Variants in TTC34 observed in about 807,000 individuals in gnomAD.
The protein encoded by TTC34 is tetratricopeptide repeat domain 34, also known as tetratricopeptide repeat protein 34.
TTC34 carries 44 observed loss-of-function variants against 40.7 expected under a neutral mutation model. That is an observed-to-expected ratio of 1.08 (90% CI 0.85 to 1.39). The LOEUF (loss-of-function observed/expected upper bound fraction) is 1.39. TTC34 is among the 40% of genes most tolerant of loss of function. The probability of loss-of-function intolerance (pLI) is 0.00; values close to 1 mark genes in which losing one functional copy is unlikely to be tolerated. For synonymous variants in TTC34, 422 were observed against 398.6 expected, an observed-to-expected ratio of 1.06 and a Z score of -0.70; for missense variants, 884 against 838.0, an observed-to-expected ratio of 1.05 and a Z score of -0.68.
chr1:2,795,277 G>T (rs563252099), intron 2 of TTC34, among the ~76,000 whole-genome samples: 2 of 152,274 alleles, frequency 1.3e-5, no homozygotes, highest in South Asian at 2.1e-4. Context: ...ATTTATATTT[G>T]CCCATAATTA....
At chr1:2,759,706 G>T (rs1183073767) in intron 6 of TTC34, among the ~76,000 whole-genome samples, 1 of 70,304 alleles carries the variant, frequency 1.4e-5, no homozygotes, top group Non-Finnish European at 2.6e-5. Flanking sequence ...ACAGCCTGGA[G>T]CAGGACCCAC....
intron 6 of TTC34, among the ~76,000 whole-genome samples, chr1:2,674,302 TG>T (rs1639812264): frequency 1.3e-5 from 1 of 75,034 alleles, no homozygotes; most frequent in Non-Finnish European, 3.2e-5. Flanking sequence ...TCTGACAGCC[TG>T]GAACAGCACC....
chr1:2,751,606 A>G (rs1641322481), intron 6 of TTC34, among the ~76,000 whole-genome samples: 2 of 125,438 alleles, frequency 1.6e-5, no homozygotes, highest in Non-Finnish European at 1.6e-5. Context: ...CAGCACCCAC[A>G]CCCCCAGGCG....
intron 6 of TTC34, among the ~76,000 whole-genome samples, chr1:2,685,081 C>A (rs28520729): frequency 1.0e-4 from 13 of 125,052 alleles, no homozygotes; most frequent in South Asian, 5.1e-4. Flanking sequence ...GCCTGCACCC[C>A]CAGGTGTGCA....
intron 6 of TTC34, among the ~76,000 whole-genome samples, chr1:2,753,082 A>G (rs1349407824): frequency 5.2e-3 from 432 of 83,516 alleles, no homozygotes; most frequent in African/African-American, 0.01. Flanking sequence ...ACAGCCTGGA[A>G]CGGCAACCAC....
At chr1:2,799,484 G>A (rs1333515765) in intron 2 of TTC34, among the ~76,000 whole-genome samples, 2 of 152,062 alleles carry the variant, frequency 1.3e-5, no homozygotes, top group Non-Finnish European at 2.9e-5. Flanking sequence ...TGGAGGTTGC[G>A]GTGAGCCGAG....
At chr1:2,759,626 A>ACAGCACCGACACCCCTAGGTGCCTGGAT (rs1641625508) in intron 6 of TTC34, among the ~76,000 whole-genome samples, 1 of 129,290 alleles carries the variant, frequency 7.7e-6, no homozygotes, top group South Asian at 2.6e-4. Context: ...CCAGCCTGGA[A>ACAGCACCGACACCCCTAGGTGCCTGGAT]CAGCACCCAC....
rs189984513 is a variant in TTC34 at position 2,645,873 on chromosome 1, G to T, written c.2227-310C>A. 6.6e-6 allele frequency among the ~76,000 whole-genome samples: 1 copy of T among 152,066 alleles called. No individual in the cohort carries two copies. Among genetic ancestry groups the T allele is most frequent in the Non-Finnish European group, 1.5e-5 (1 of 68,004 alleles). Reference sequence around the variant, plus strand: ...ATTTCCATCTCCTGAGGCTGCCTGCGGTCTGTGAGCCCTCCCTGGGTCCCT... The same window carrying T: ...ATTTCCATCTCCTGAGGCTGCCTGCTGTCTGTGAGCCCTCCCTGGGTCCCT... On this transcript the variant is annotated intron_variant, in intron 6 of 8. Coordinates refer to ENST00000401095, the Ensembl canonical transcript of TTC34. The surrounding 1 kb of genome is among the most constrained non-coding windows in gnomAD (Gnocchi z 4.7).
At chr1:2,776,237 T>C (rs1643150039) in intron 6 of TTC34, 1 of 94,496 alleles carries the variant, frequency 1.1e-5, no homozygotes, top group Non-Finnish European at 1.9e-5. Flanking sequence ...CCTGGAATGG[T>C]AACCCACATG....
At chr1:2,686,547 G>A (rs556599347) in intron 6 of TTC34, among the ~76,000 whole-genome samples, 4 of 119,038 alleles carry the variant, frequency 3.4e-5, no homozygotes, top group Non-Finnish European at 6.8e-5. Flanking sequence ...TGACAGCCTG[G>A]AACAGCACGC....
intron 6 of TTC34, among the ~76,000 whole-genome samples, chr1:2,753,090 C>T (rs1641379377): frequency 2.2e-5 from 3 of 137,392 alleles, no homozygotes; most frequent in East Asian, 2.2e-4. Flanking sequence ...GAACGGCAAC[C>T]ACACCCCCAG....
At position 2,641,614 on chromosome 1, in the gene TTC34, CCCTG is replaced by C. The variant is rs1638905151; in HGVS notation, c.2990_2993del (p.Ala997GlyfsTer7). 2 of 1,534,288 alleles carry C rather than the reference CCCTG, an allele frequency of 1.3e-6. No homozygotes were observed. The highest frequency in any genetic ancestry group is 1.4e-5 in the African/African-American group (1 of 72,978). ...CCAGCTTCAGGGCCTGGGCAAAGGC[CCCTG>C]CGGCCGCCGCCTCATCCCCCAGGCT... is the stretch of plus-strand genomic sequence containing the variant. On this transcript the variant is annotated frameshift_variant, in exon 9 of 9. Coordinates refer to ENST00000401095, the Ensembl canonical transcript of TTC34. LOFTEE classifies it low-confidence loss of function (END_TRUNC).
chr1:2,686,842 AC>A (rs1254262772), intron 6 of TTC34, among the ~76,000 whole-genome samples: 8 of 117,718 alleles, frequency 6.8e-5, no homozygotes, highest in Admixed American at 8.8e-5. Context: ...AGCACCCCAC[AC>A]CCCCAGGTGA....
intron 6 of TTC34, among the ~76,000 whole-genome samples, chr1:2,691,299 CA>C: frequency 1.1e-5 from 1 of 86,994 alleles, no homozygotes; most frequent in Non-Finnish European, 2.6e-5. Flanking sequence ...GCAGCACCCA[CA>C]ACCCCAGGCG....
At chr1:2,690,434 C>G (rs538643232) in intron 6 of TTC34, among the ~76,000 whole-genome samples, 2 of 148,426 alleles carry the variant, frequency 1.3e-5, no homozygotes, top group African/African-American at 4.9e-5. Context: ...AGGCGAGCAT[C>G]TGACAGCCTG....
rs1415298924 is a variant in TTC34, at chr1:2,769,585, C to A, written c.2226+14024G>T. Among the ~76,000 whole-genome samples the A allele has an allele frequency of 1.5e-5, 2 of 133,804 alleles. 1 individual carries two copies. The highest frequency in any genetic ancestry group is 6.0e-5 in the African/African-American group (2 of 33,370). 87.8% of individuals were successfully genotyped at this position (133,804 alleles called of 152,430 possible). On this transcript the variant is annotated intron_variant, in intron 6 of 8. Coordinates refer to ENST00000401095, the Ensembl canonical transcript of TTC34. ...CATCTGACATCCTGGAACAGCACCC[C>A]ACACCTCCAGGGGGAGCATCTGACA...
At position 2,653,614 on chromosome 1, in the gene TTC34, A is replaced by T. The variant is rs1639229260; in HGVS notation, c.2227-8051T>A. Among the ~76,000 whole-genome samples the T allele has an allele frequency of 6.8e-5, 9 of 132,768 alleles. 1 individual carries two copies. The highest frequency in any genetic ancestry group is 7.9e-5 in the Admixed American group (1 of 12,638). 87.1% of individuals were successfully genotyped at this position (132,768 alleles called of 152,430 possible). On this transcript the variant is annotated intron_variant, in intron 6 of 8. Coordinates refer to ENST00000401095, the Ensembl canonical transcript of TTC34. ...TCGTGGAGCAGCACCCTACACCCACAAGTGAGCATCTGACAGCCTGGAGCA... is the reference window on the plus strand; with the variant it reads ...TCGTGGAGCAGCACCCTACACCCACTAGTGAGCATCTGACAGCCTGGAGCA...
At chr1:2,779,082 T>C (rs1323421945) in intron 6 of TTC34, among the ~76,000 whole-genome samples, 2 of 152,206 alleles carry the variant, frequency 1.3e-5, no homozygotes, top group African/African-American at 2.4e-5. Context: ...ATCCATGTTG[T>C]AGTGTGTACC....
At chr1:2,656,350 C>G (rs1342752422) in intron 6 of TTC34, among the ~76,000 whole-genome samples, 2 of 149,330 alleles carry the variant, frequency 1.3e-5, no homozygotes, top group African/African-American at 2.5e-5. Flanking sequence ...AGGTGAGCAT[C>G]TGACAGCCTG....
Sources: gnomAD v4.1 joint callset for allele counts (sites outside exome capture counted in the v4.1 genomes callset) on GRCh38, gnomAD v4.1.1 for gene constraint, Gnocchi (gnomAD v3.1) non-coding constraint, MANE v1.5 for transcripts, NCBI Gene and HGNC (gene_info 2026-07-23, HGNC 2026-07-21) for gene names.